The following DMBT1 variants were observed in gnomAD, a reference collection of about 807,000 sequenced individuals.
DMBT1 encodes scavenger receptor cysteine-rich domain-containing protein DMBT1.
Under a neutral mutation model 252.9 loss-of-function variants are expected in DMBT1, and 198 were observed. That is an observed-to-expected ratio of 0.78 (90% confidence interval 0.70 to 0.88). The LOEUF (loss-of-function observed/expected upper bound fraction) is 0.88. DMBT1 is among the 40% of genes least tolerant of loss of function. The pLI is 0.00. For missense variants in DMBT1, 2,432 were observed against 2,404.7 expected (o/e 1.01, Z -0.24); for synonymous variants, 990 against 942.7 (o/e 1.05, Z -0.92).
At position 122,632,863 on chromosome 10, in the gene DMBT1, C is replaced by T. The variant is rs867737779; in HGVS notation, c.6370C>T (p.Pro2124Ser). 1 of 1,613,892 alleles carries T rather than the reference C, an allele frequency of 6.2e-7. No homozygotes were observed. The highest frequency in any genetic ancestry group is 1.1e-5 in the South Asian group (1 of 91,026). The change falls in exon 51 of 56, where the codon CCT becomes TCT. Residue 2124 changes from proline (P) to serine (S), a missense_variant and splice_region_variant. Pro to Ser is a moderately conservative substitution (Grantham distance 74). This residue lies in a region of DMBT1 where 1,162 missense variants were observed against 1,169.0 expected (regional missense o/e 0.99). Transcript: ENST00000338354. ...TGATCTTTTCTTTTTGTCAACAGCT[C>T]CTTTTCTCAACATCACCCGTCCAAA... Reference protein sequence around the residue: ...CSGNHLSTPAPFLNITRPNTD... With the variant: ...CSGNHLSTPASFLNITRPNTD...
intron 41 of DMBT1, 41 bp downstream of exon 41, chr10:122,618,381 G>T (rs1367531773): frequency 6.2e-7 from 1 of 1,613,470 alleles, no homozygotes; most frequent in East Asian, 2.2e-5. Flanking sequence ...TTAAGTTGAA[G>T]TTTGCTCAGG....
In DMBT1 at chr10:122,580,882, G is replaced by C; in HGVS notation, c.1020G>C (p.Pro340=). ...TTCTCACAGCTCCCCAGTCCCGGCC[G>C]ACACCCAGCCCAGGTAGGTCCCCAG... The part of the protein sequence containing the change: ...GVICSAPQSR[P]TPSPDTWPTS... The change falls in exon 11 of 56, where the codon CCG becomes CCC. Residue 340 remains proline, a synonymous_variant. Coordinates refer to ENST00000338354, the MANE Select transcript of DMBT1 (RefSeq NM_001377530.1). 5 of 1,613,746 alleles carry C rather than the reference G, an allele frequency of 3.1e-6. No homozygotes were observed. The highest frequency in any genetic ancestry group is 4.2e-6 in the Non-Finnish European group (5 of 1,179,860).
rs56751886 is a variant in DMBT1, at chr10:122,600,005, C to A, written c.3281-59C>A. On this transcript the variant is annotated intron_variant, in intron 26 of 55. Coordinates refer to ENST00000338354, the MANE Select transcript of DMBT1 (RefSeq NM_001377530.1). ...TCGCCCATTTCTTTCCCTCCTCGTT[C>A]CACTTTGCCGACTTCTGTGTAATGT... 0.011 allele frequency: 18,068 copies of A among 1,595,478 alleles called. 1,730 individuals are homozygous for A. In the South Asian group the frequency reaches 0.14, roughly 12 times the overall value.
intron 14 of DMBT1, 73 bp from the exon 15 acceptor site, chr10:122,585,198 T>C: frequency 6.5e-7 from 1 of 1,542,456 alleles, no homozygotes; most frequent in South Asian, 1.2e-5. Context: ...GCTCGCCTTC[T>C]CCGGAGACTT....
chr10:122,631,231 G>T lies in DMBT1; in HGVS notation c.6296G>T (p.Trp2099Leu). Residue 2099 changes from tryptophan to leucine, a missense_variant, in exon 49 of 56, where the codon TGG (tryptophan) becomes TTG (leucine). Coordinates refer to ENST00000338354, the MANE Select transcript of DMBT1 (RefSeq NM_001377530.1). ...STLWQCRNRG[W>L]FSHNCNHRED... The stretch of plus-strand genomic sequence containing the variant: ...CTCTGGCAGTGCCGGAACCGAGGCT[G>T]GTTCTCCCACAACTGTAATCATCGT... 6.2e-7 allele frequency: 1 copy of T among 1,614,020 alleles called. No homozygotes were observed. Among genetic ancestry groups the T allele is most frequent in the Non-Finnish European group, 8.5e-7 (1 of 1,179,896 alleles).
At chr10:122,625,901 A>G in intron 45 of DMBT1, 32 bp from the exon 46 acceptor site, 1 of 1,589,872 alleles carries the variant, frequency 6.3e-7, no homozygotes, top group African/African-American at 1.3e-5. Flanking sequence ...ATTATCTACT[A>G]AAATCCTAAA....
chr10:122,584,856 C>T (rs1470271565), intron 14 of DMBT1, among the ~76,000 whole-genome samples: 2 of 149,214 alleles, frequency 1.3e-5, no homozygotes, highest in African/African-American at 4.9e-5. Context: ...CATGCTCGGG[C>T]AGGGAGAGGG....
chr10:122,632,619 C>T (rs1446090448), intron 50 of DMBT1, among the ~76,000 whole-genome samples: 1 of 152,128 alleles, frequency 6.6e-6, no homozygotes, highest in Non-Finnish European at 1.5e-5. Flanking sequence ...GGGGCAGGGG[C>T]CAGACTTCCA....
At chr10:122,564,722 T>G (rs1490698912) in intron 1 of DMBT1, among the ~76,000 whole-genome samples, 1 of 152,120 alleles carries the variant, frequency 6.6e-6, no homozygotes, top group African/African-American at 2.4e-5. Context: ...AAGAGTACTG[T>G]ATTTTATTTT....
rs763043522 is a variant in DMBT1 at position 122,592,139 on chromosome 10, G to C, written c.2177-133G>C. 44 of 1,393,496 alleles carry C rather than the reference G, an allele frequency of 3.2e-5. 5 individuals are homozygous for C. Among genetic ancestry groups the C allele is most frequent in the African/African-American group, 5.6e-5 (4 of 71,672 alleles). 86.3% of individuals were successfully genotyped at this position (1,393,496 alleles called of 1,614,324 possible). A position where few individuals can be genotyped will look rare whatever the true frequency, so the allele number is the denominator to read the frequency against. On this transcript the variant is annotated intron_variant, in intron 19 of 55. Coordinates refer to ENST00000338354, the MANE Select transcript of DMBT1 (RefSeq NM_001377530.1). ...CCAGTATGATGAAGCTGAACCTCTG[G>C]TTGCAGTCGTATTCAATCGTGACTG...
At chr10:122,620,120 G>C in intron 42 of DMBT1, 133 bp from the exon 43 acceptor site, 1 of 907,822 alleles carries the variant, frequency 1.1e-6, no homozygotes, top group Non-Finnish European at 1.8e-6. Flanking sequence ...GAAGACTTGG[G>C]TAGCACTTGG....
chr10:122,622,623 G>T (rs1236688230), intron 44 of DMBT1, among the ~76,000 whole-genome samples: 1 of 152,172 alleles, frequency 6.6e-6, no homozygotes, highest in Non-Finnish European at 1.5e-5. Context: ...CAGTACCTCT[G>T]GCTGACAAGG....
intron 11 of DMBT1, among the ~76,000 whole-genome samples, chr10:122,581,556 CAGAT>C (rs200907015): frequency 0.012 from 1,719 of 147,520 alleles, 12 homozygotes; most frequent in African/African-American, 0.043. Context: ...CATCCTCTAA[CAGAT>C]AGAAAGATAC....
chr10:122,626,896 G>A (rs1397327558), intron 46 of DMBT1, among the ~76,000 whole-genome samples: 2 of 152,178 alleles, frequency 1.3e-5, no homozygotes, highest in Admixed American at 6.5e-5. Flanking sequence ...AGGTTCATTT[G>A]CTGAAGTGTC....
Position 122,631,300 on chromosome 10 carries a change from G to A in DMBT1, c.6346+19G>A. On this transcript the variant is annotated intron_variant, in intron 49 of 55. Transcript: ENST00000338354. Reference sequence around the variant, plus strand: ...TGCTCAGGTATGGCCCAATGCCATGGAAGGCCCATTTCACCTGTAACTTGC... The same window carrying A: ...TGCTCAGGTATGGCCCAATGCCATGAAAGGCCCATTTCACCTGTAACTTGC... 1 of 1,606,996 alleles carries A rather than the reference G, an allele frequency of 6.2e-7. No individual in the cohort carries two copies. The highest frequency in any genetic ancestry group is 8.5e-7 in the Non-Finnish European group (1 of 1,174,202).
intron 19 of DMBT1, 121 bp from the exon 20 acceptor site, chr10:122,592,151 T>A: frequency 1.4e-6 from 2 of 1,445,492 alleles, no homozygotes; most frequent in Non-Finnish European, 1.9e-6. Flanking sequence ...TGCAGTCGTA[T>A]TCAATCGTGA....
chr10:122,639,939 C>A (rs1199922458), intron 54 of DMBT1, 101 bp from the exon 55 acceptor site: 2 of 1,394,746 alleles, frequency 1.4e-6, no homozygotes, highest in Non-Finnish European at 1.9e-6. Context: ...GGGTGGAAGT[C>A]TTGTTGAGTC....
Position 122,643,503 on chromosome 10 carries a change from T to C in DMBT1, c.*105T>C. 1 of 1,433,254 alleles carries C rather than the reference T, an allele frequency of 7.0e-7. No homozygotes were observed. Among genetic ancestry groups the C allele is most frequent in the African/African-American group, 1.4e-5 (1 of 70,634 alleles). The allele number at this position is 1,433,254 out of a possible 1,614,324, so 88.8% of individuals were successfully genotyped here. On this transcript the variant is annotated 3_prime_UTR_variant, in exon 56 of 56. Transcript: ENST00000338354. ...ATTCCAACTCAGATTGAGCCCTACA[T>C]TGTGCTGCACCTGGTCATACGGAGT...
At chr10:122,620,383 G>A (rs1236582107) in intron 43 of DMBT1, 92 bp downstream of exon 43, 54 of 1,485,302 alleles carry the variant, frequency 3.6e-5, no homozygotes, top group Non-Finnish European at 4.6e-5. Flanking sequence ...TCAAGCTGGC[G>A]CCTCTGTTTT....
Sources: gnomAD v4.1 joint callset for allele counts (sites outside exome capture counted in the v4.1 genomes callset) on GRCh38, gnomAD v4.1.1 for gene constraint, gnomAD v4.1.1 regional missense constraint, MANE v1.5 for transcripts, NCBI Gene and HGNC (gene_info 2026-07-23, HGNC 2026-07-21) for gene names.